The following WDR7 variants were observed in gnomAD, a reference collection of about 807,000 sequenced individuals.
WDR7 encodes WD repeat-containing protein 7.
Under a neutral mutation model 169.4 loss-of-function variants are expected in WDR7, and 46 were observed. The ratio of observed to expected loss-of-function variants is 0.27; its 90% CI spans 0.21 to 0.35. The LOEUF is 0.35. WDR7 is among the 10% of genes least tolerant of loss of function. The pLI is 1.00. For missense variants in WDR7, 1,534 were observed against 1,859.3 expected, an observed-to-expected ratio of 0.83 and a Z score of 3.22; for synonymous variants, 612 against 666.8, an observed-to-expected ratio of 0.92 and a Z score of 1.27.
intron 7 of WDR7, among the ~76,000 whole-genome samples, chr18:56,687,673 C>G (rs1237414265): frequency 6.6e-6 from 1 of 152,128 alleles, no homozygotes; most frequent in Non-Finnish European, 1.5e-5. Context: ...GTAGCCCAGG[C>G]TGGAGTGCAA....
At chr18:56,733,680 A>AT (rs1251205605) in intron 14 of WDR7, among the ~76,000 whole-genome samples, 16 of 152,114 alleles carry the variant, frequency 1.1e-4, no homozygotes, top group African/African-American at 3.9e-4. Context: ...CTATCCTGTG[A>AT]TTTTTTTCTC....
intron 21 of WDR7, among the ~76,000 whole-genome samples, chr18:56,916,677 T>C (rs1473475693): frequency 1.3e-5 from 2 of 152,186 alleles, no homozygotes; most frequent in Non-Finnish European, 2.9e-5. Context: ...GTTGCATCTG[T>C]GGTTATAAGA....
At chr18:56,849,845 C>CTACA (rs1345756041) in intron 20 of WDR7, among the ~76,000 whole-genome samples, 1 of 152,180 alleles carries the variant, frequency 6.6e-6, no homozygotes, top group Non-Finnish European at 1.5e-5. Context: ...GTAGCTGGGA[C>CTACA]TACAGGTGCA....
chr18:56,817,727 GA>G (rs959547653), intron 20 of WDR7, among the ~76,000 whole-genome samples: 3 of 151,548 alleles, frequency 2.0e-5, no homozygotes, highest in African/African-American at 7.3e-5. Flanking sequence ...AGCTGCTAAA[GA>G]AAATCTATTT....
rs765985921 is a variant in WDR7 at position 56,686,048 on chromosome 18, CTG to C, written c.597+17_597+18del. 5.9e-5 allele frequency: 93 copies of C among 1,578,656 alleles called. No individual in the cohort carries two copies. The African/African-American group carries it at 1.2e-3, about 20-fold the overall frequency. ...TGACATGCAGGTGAGAAAAAGGAAA[CTG>C]GGGTGATTTCTCTGTTTTTATTCTC... On this transcript the variant is annotated intron_variant, in intron 6 of 27. Transcript: ENST00000254442.
chr18:56,911,263 T>C (rs1183248568), intron 21 of WDR7, among the ~76,000 whole-genome samples: 2 of 152,234 alleles, frequency 1.3e-5, no homozygotes, highest in East Asian at 1.9e-4. Flanking sequence ...CTGACTCTAA[T>C]GTGACATGTT....
intron 12 of WDR7, among the ~76,000 whole-genome samples, chr18:56,715,670 T>G (rs1264189021): frequency 6.6e-6 from 1 of 152,028 alleles, no homozygotes; most frequent in Non-Finnish European, 1.5e-5. Flanking sequence ...TATTAAATAT[T>G]ATAGATATAA....
chr18:56,927,387 G>A (rs560364946), intron 22 of WDR7, among the ~76,000 whole-genome samples: 3 of 152,168 alleles, frequency 2.0e-5, no homozygotes, highest in Non-Finnish European at 4.4e-5. Context: ...TGAGAGGATC[G>A]CTTGAGCCCA....
rs575113394 is a variant in WDR7, at chr18:56,925,152, A to G, written c.3713+1044A>G. On this transcript the variant is annotated intron_variant, in intron 22 of 27. Coordinates refer to ENST00000254442, the MANE Select transcript of WDR7 (RefSeq NM_015285.3). Reference sequence around the variant, plus strand: ...TGAATAACATTCCATTCATGGTTATATCACATATAGTTAATCCATTTACCT... The same window carrying G: ...TGAATAACATTCCATTCATGGTTATGTCACATATAGTTAATCCATTTACCT... Among the ~76,000 whole-genome samples the G allele has an allele frequency of 3.8e-4, 58 of 152,342 alleles. 2 individuals carry two copies. In the South Asian group the frequency reaches 0.012, roughly 30 times the overall value.
At chr18:56,894,428 G>C (rs1261938330) in intron 21 of WDR7, among the ~76,000 whole-genome samples, 2 of 151,300 alleles carry the variant, frequency 1.3e-5, no homozygotes, top group Non-Finnish European at 2.9e-5. Flanking sequence ...CACTCCTTCT[G>C]CTGGGACACT....
At chr18:56,819,372 A>T (rs1032096702) in intron 20 of WDR7, among the ~76,000 whole-genome samples, 11 of 152,298 alleles carry the variant, frequency 7.2e-5, no homozygotes, top group African/African-American at 2.4e-4. Flanking sequence ...TTTAAAAAAT[A>T]TGCTGCAGCT....
intron 1 of WDR7, among the ~76,000 whole-genome samples, chr18:56,671,027 A>G (rs2025122690): frequency 6.6e-6 from 1 of 152,108 alleles, no homozygotes; most frequent in Admixed American, 6.5e-5. Context: ...ATTAGATTTT[A>G]ATTTTGTTAT....
rs1430251697 is a variant in WDR7 at position 56,922,725 on chromosome 18, A to C, written c.3527-1197A>C. 2.0e-5 allele frequency among the ~76,000 whole-genome samples: 3 copies of C among 152,314 alleles called. No homozygotes were observed. In the East Asian group the frequency reaches 5.8e-4, roughly 29 times the overall value. On this transcript the variant is annotated intron_variant, in intron 21 of 27. Coordinates refer to ENST00000254442, the MANE Select transcript of WDR7 (RefSeq NM_015285.3). ...GGGTTCCATGACTGAGAAGAAATTC[A>C]GAATCACTACTTTTCAGTGTATCCA...
chr18:56,827,038 G>A lies in WDR7; in HGVS notation c.3304+10894G>A, dbSNP rs967751759. Among the ~76,000 whole-genome samples the A allele has an allele frequency of 3.3e-5, 5 of 152,294 alleles. No homozygotes were observed. In the East Asian group the frequency reaches 9.7e-4, roughly 29 times the overall value. On this transcript the variant is annotated intron_variant, in intron 20 of 27. Coordinates refer to ENST00000254442, the MANE Select transcript of WDR7 (RefSeq NM_015285.3). ...TTCAGAGTACTGAGCTTAGTTAAGG[G>A]TAGGAGTTATGTAAGAGGTAAGCCT...
intron 13 of WDR7, among the ~76,000 whole-genome samples, chr18:56,721,916 C>T (rs2026330984): frequency 6.6e-6 from 1 of 152,148 alleles, no homozygotes; most frequent in Admixed American, 6.5e-5. Flanking sequence ...AATGCAAACA[C>T]CATTAATGCT....
intron 2 of WDR7, among the ~76,000 whole-genome samples, chr18:56,675,085 G>C (rs532958396): frequency 1.3e-3 from 203 of 152,138 alleles, no homozygotes; most frequent in South Asian, 4.8e-3. Context: ...CCTAATTACC[G>C]TTGTTTTATA....
intron 25 of WDR7, among the ~76,000 whole-genome samples, chr18:56,941,502 T>C (rs2047035020): frequency 1.3e-5 from 2 of 152,138 alleles, no homozygotes; most frequent in East Asian, 3.9e-4. Flanking sequence ...GGCAAATGTT[T>C]GGCAGCACAG....
intron 20 of WDR7, among the ~76,000 whole-genome samples, chr18:56,822,115 T>A (rs185934479): frequency 6.6e-6 from 1 of 152,314 alleles, no homozygotes; most frequent in Admixed American, 6.5e-5. Flanking sequence ...AATGCAAATT[T>A]GTTATTCTAA....
At chr18:56,672,742 C>T (rs2025164129) in intron 2 of WDR7, 68 bp downstream of exon 2, 3 of 1,404,930 alleles carry the variant, frequency 2.1e-6, no homozygotes, top group Non-Finnish European at 1.9e-6. Flanking sequence ...ATAATATAGT[C>T]CCCAAATGAT....
Sources: allele counts gnomAD v4.1 joint callset (sites outside exome capture counted in the v4.1 genomes callset), GRCh38; gene constraint gnomAD v4.1.1; transcripts MANE v1.5; gene names NCBI Gene and HGNC (gene_info 2026-07-23, HGNC 2026-07-21).